The following TNFRSF8 variants were observed in gnomAD, a reference collection of about 807,000 sequenced individuals.
TNFRSF8 encodes tumor necrosis factor receptor superfamily member 8.
A neutral mutation model predicts 70.8 loss-of-function variants in TNFRSF8; 26 were observed. The observed-to-expected ratio is 0.37, with a 90% CI of 0.27 to 0.51. The LOEUF is 0.51. Ranked by LOEUF, TNFRSF8 falls within the 20% of genes least tolerant of loss-of-function variation. The pLI is 0.94. For synonymous variants in TNFRSF8, 356 were observed against 339.2 expected, an observed-to-expected ratio of 1.05 and a Z score of -0.54; for missense variants, 720 against 807.9, an observed-to-expected ratio of 0.89 and a Z score of 1.32.
chr1:12,096,882 T>A (rs528920482), intron 2 of TNFRSF8, among the ~76,000 whole-genome samples: 1 of 152,248 alleles, frequency 6.6e-6, no homozygotes, highest in Admixed American at 6.5e-5. Context: ...CTCTTCTCTA[T>A]AACTATGTTG....
intron 1 of TNFRSF8, among the ~76,000 whole-genome samples, chr1:12,072,212 T>C (rs1415213901): frequency 6.6e-6 from 1 of 152,174 alleles, no homozygotes; most frequent in Non-Finnish European, 1.5e-5. Context: ...GAGAGCAGCT[T>C]CTGGACACAG....
chr1:12,111,653 TG>T (rs887360461), intron 6 of TNFRSF8, among the ~76,000 whole-genome samples: 2 of 152,098 alleles, frequency 1.3e-5, no homozygotes, highest in African/African-American at 4.8e-5. Context: ...TGTGGCATGG[TG>T]GCCTCAGGAG....
chr1:12,065,376 C>T (rs1640723148), intron 1 of TNFRSF8, among the ~76,000 whole-genome samples: 2 of 152,178 alleles, frequency 1.3e-5, no homozygotes, highest in African/African-American at 4.8e-5. Context: ...AGCCACCACA[C>T]CCAGCCTCCC....
intron 1 of TNFRSF8, among the ~76,000 whole-genome samples, chr1:12,082,444 G>C (rs1443336117): frequency 6.6e-6 from 1 of 151,668 alleles, no homozygotes; most frequent in South Asian, 2.1e-4. Context: ...TACTTGGGAG[G>C]CTGAGGCGAA....
At position 12,141,779 on chromosome 1, in the gene TNFRSF8, GT is replaced by G. The variant is rs78925221; in HGVS notation, c.1544-499del. On this transcript the variant is annotated intron_variant, in intron 14 of 14. Coordinates refer to ENST00000263932, the MANE Select transcript of TNFRSF8 (RefSeq NM_001243.5). This position sits in a 1 kb window ranked among gnomAD's most constrained non-coding sequence, Gnocchi z 5.4. ...AAAGGGCCACCAGGCGGAGTGGGTG[GT>G]TTTTTTTTGGGGGATTTCTCCTAAC... 2.0e-5 allele frequency among the ~76,000 whole-genome samples: 3 copies of G among 151,860 alleles called. No homozygotes were observed. Among genetic ancestry groups the G allele is most frequent in the Non-Finnish European group, 2.9e-5 (2 of 67,968 alleles).
chr1:12,081,956 C>T (rs746256651), intron 1 of TNFRSF8, among the ~76,000 whole-genome samples: 10 of 119,518 alleles, frequency 8.4e-5, no homozygotes, highest in Non-Finnish European at 1.8e-4. Flanking sequence ...TCTTGCCTCA[C>T]TTCCTGCTTC....
At chr1:12,099,049 T>C (rs1641375493) in intron 3 of TNFRSF8, among the ~76,000 whole-genome samples, 1 of 152,208 alleles carries the variant, frequency 6.6e-6, no homozygotes, top group African/African-American at 2.4e-5. Context: ...ATTTGAGTGA[T>C]TGGATTACAC....
intron 4 of TNFRSF8, among the ~76,000 whole-genome samples, chr1:12,107,780 TAAAA>T (rs1641550996): frequency 6.6e-6 from 1 of 152,048 alleles, no homozygotes; most frequent in Non-Finnish European, 1.5e-5. Flanking sequence ...TTTCCAGCTG[TAAAA>T]TAGAAAGCAG....
chr1:12,083,357 C>CA (rs1641098425), intron 1 of TNFRSF8, among the ~76,000 whole-genome samples: 1 of 152,184 alleles, frequency 6.6e-6, no homozygotes, highest in Non-Finnish European at 1.5e-5. Context: ...CAGGAATGTT[C>CA]CCAGCAGCAC....
At chr1:12,125,927 G>A in intron 10 of TNFRSF8, 24 bp from the exon 11 acceptor site, 1 of 1,600,532 alleles carries the variant, frequency 6.2e-7, no homozygotes, top group East Asian at 2.2e-5. Flanking sequence ...AAGGCAAAGA[G>A]TGTGGGGCGT....
chr1:12,071,089 G>A (rs901767576), intron 1 of TNFRSF8, among the ~76,000 whole-genome samples: 1 of 152,010 alleles, frequency 6.6e-6, no homozygotes, highest in African/African-American at 2.4e-5. Flanking sequence ...GTTTTCTTTT[G>A]CTGCTATAGC....
chr1:12,129,076 G>A (rs931772132), intron 12 of TNFRSF8, among the ~76,000 whole-genome samples: 5 of 151,580 alleles, frequency 3.3e-5, no homozygotes, highest in Non-Finnish European at 5.9e-5. Context: ...CTCATGATCC[G>A]CCTGCCTCGG....
chr1:12,102,104 G>A (rs779021542), intron 3 of TNFRSF8, among the ~76,000 whole-genome samples: 11 of 152,198 alleles, frequency 7.2e-5, no homozygotes, highest in African/African-American at 7.2e-5. Flanking sequence ...CTCCTTGAGT[G>A]TTAGTGCTCT....
At chr1:12,083,108 G>T (rs373463915) in intron 1 of TNFRSF8, among the ~76,000 whole-genome samples, 1 of 152,094 alleles carries the variant, frequency 6.6e-6, no homozygotes, top group African/African-American at 2.4e-5. Context: ...CCACAATGAG[G>T]TATCACTACA....
In TNFRSF8 at chr1:12,109,649, C is replaced by T. The variant is rs1641591901; in HGVS notation, c.505C>T (p.Pro169Ser). Residue 169 changes from proline to serine, a missense_variant, in exon 5 of 15, where the codon CCC (proline) becomes TCC (serine). Coordinates refer to ENST00000263932, the MANE Select transcript of TNFRSF8 (RefSeq NM_001243.5). The surrounding 1 kb of genome is among the most constrained non-coding windows in gnomAD (Gnocchi z 4.4). ...ACASPENCKE[P>S]SSGTIPQAKP... ...TGCCAGCCCAGAGAACTGCAAGGAA[C>T]CCTCCAGGTGACTCCCTGGCTTTGC... is the stretch of plus-strand genomic sequence containing the variant. 1 of 1,613,392 alleles carries T rather than the reference C, an allele frequency of 6.2e-7. No homozygotes were observed. Among genetic ancestry groups the T allele is most frequent in the African/African-American group, 1.3e-5 (1 of 74,928 alleles).
chr1:12,136,870 CTTTTT>C (rs201470263), intron 13 of TNFRSF8, among the ~76,000 whole-genome samples: 9 of 118,712 alleles, frequency 7.6e-5, no homozygotes, highest in African/African-American at 1.9e-4. Context: ...ATACTCAGTT[CTTTTT>C]TTTTTTTTTT....
chr1:12,140,867 C>T (rs1344265570), intron 14 of TNFRSF8, among the ~76,000 whole-genome samples: 1 of 151,916 alleles, frequency 6.6e-6, no homozygotes, highest in Non-Finnish European at 1.5e-5. Flanking sequence ...GCCTTCTCTC[C>T]CCTCCTGGGG....
At position 12,128,490 on chromosome 1, in the gene TNFRSF8, T is replaced by G. The variant is rs145702984; in HGVS notation, c.1309+2254T>G. ...GCACACACGTGATCTCATCCACTCCTCCGGTGGCCTGTGAGGTACTTACTG... is the reference window on the plus strand; with the variant it reads ...GCACACACGTGATCTCATCCACTCCGCCGGTGGCCTGTGAGGTACTTACTG... On this transcript the variant is annotated intron_variant, in intron 12 of 14. Transcript: ENST00000263932. Among the ~76,000 whole-genome samples the G allele has an allele frequency of 3.5e-3, 526 of 152,330 alleles. 9 individuals are homozygous for G. Among genetic ancestry groups the G allele is most frequent in the South Asian group, 0.018 (85 of 4,826 alleles).
intron 1 of TNFRSF8, among the ~76,000 whole-genome samples, chr1:12,069,927 A>AT (rs1257594550): frequency 6.6e-6 from 1 of 152,184 alleles, no homozygotes; most frequent in Non-Finnish European, 1.5e-5. Flanking sequence ...CCAGTGGGAG[A>AT]TTAGCAGAAA....
Sources: gnomAD v4.1 joint callset for allele counts (sites outside exome capture counted in the v4.1 genomes callset) on GRCh38, gnomAD v4.1.1 for gene constraint, Gnocchi (gnomAD v3.1) non-coding constraint, MANE v1.5 for transcripts, NCBI Gene and HGNC (gene_info 2026-07-23, HGNC 2026-07-21) for gene names.